The following ARHGEF33 variants were observed in gnomAD, a reference collection of about 807,000 sequenced individuals.
The protein encoded by ARHGEF33 is DH and coiled-coil domain-containing protein ENSP00000381780.
In ARHGEF33, 72 loss-of-function variants were observed where a neutral mutation model predicts 101.9. The ratio of observed to expected loss-of-function variants is 0.71; its 90% CI spans 0.58 to 0.86. The LOEUF (loss-of-function observed/expected upper bound fraction) is 0.86. Ranked by LOEUF, ARHGEF33 falls within the 40% of genes least tolerant of loss-of-function variation. The probability of loss-of-function intolerance (pLI) is 0.00; values close to 1 mark genes in which losing one functional copy is unlikely to be tolerated. For synonymous variants in ARHGEF33, 499 were observed against 442.5 expected (o/e 1.13, Z -1.60); for missense variants, 1,169 against 1,111.3 (o/e 1.05, Z -0.74).
chr2:38,958,006 C>G (rs1425048603), intron 14 of ARHGEF33, 28 bp from the exon 15 acceptor site: 2 of 1,551,854 alleles, frequency 1.3e-6, no homozygotes, highest in Admixed American at 3.9e-5. Flanking sequence ...ACTGTACAAC[C>G]TGAGAACTGT....
At chr2:38,921,499 T>G in intron 4 of ARHGEF33, 76 bp downstream of exon 4, 1 of 1,015,376 alleles carries the variant, frequency 9.8e-7, no homozygotes, top group South Asian at 1.4e-5. Context: ...TGTACACGTT[T>G]TTAGCACTCA....
chr2:38,937,580 C>G (rs1406373997), intron 9 of ARHGEF33, 21 bp downstream of exon 9: 1 of 1,324,158 alleles, frequency 7.6e-7, no homozygotes, highest in African/African-American at 1.5e-5. Flanking sequence ...AGGGGGAATG[C>G]AGGCTAATAG....
chr2:38,937,271 A>AT (rs1479044634), intron 8 of ARHGEF33, 64 bp from the exon 9 acceptor site: 148 of 824,128 alleles, frequency 1.8e-4, no homozygotes. Flanking sequence ...TAACAAACAT[A>AT]TTTTTTAAAA....
At chr2:38,919,281 A>AT (rs1415197505) in intron 2 of ARHGEF33, 82 bp from the exon 3 acceptor site, 7 of 645,734 alleles carry the variant, frequency 1.1e-5, no homozygotes, top group Admixed American at 8.7e-5. Flanking sequence ...GTTCATTTCA[A>AT]TTTTTTTACT....
At chr2:38,973,527 T>C (rs766902174) in intron 17 of ARHGEF33, among the ~76,000 whole-genome samples, 187 bp from the exon 18 acceptor site, 2 of 152,224 alleles carry the variant, frequency 1.3e-5, no homozygotes, top group East Asian at 1.9e-4. Context: ...TAGAAAGATA[T>C]TCTCTTTATG....
intron 2 of ARHGEF33, among the ~76,000 whole-genome samples, chr2:38,909,798 G>A (rs963131166): frequency 1.4e-5 from 2 of 146,136 alleles, no homozygotes; most frequent in Non-Finnish European, 3.0e-5. Context: ...TTCATATTGT[G>A]AGAATTGTCT....
At chr2:38,890,044 G>C (rs1665962175) in intron 1 of ARHGEF33, 58 bp downstream of exon 1, 1 of 383,974 alleles carries the variant, frequency 2.6e-6, no homozygotes, top group South Asian at 2.1e-5. Context: ...AATTTTATAA[G>C]AGATGAAAAC....
At chr2:38,894,520 G>C (rs778072799) in intron 1 of ARHGEF33, among the ~76,000 whole-genome samples, 6 of 152,148 alleles carry the variant, frequency 3.9e-5, no homozygotes, top group Non-Finnish European at 7.3e-5. Flanking sequence ...GCCCACAAAG[G>C]TAGGCAGTCT....
chr2:38,928,359 T>C (rs896382988), intron 4 of ARHGEF33, among the ~76,000 whole-genome samples: 3 of 152,186 alleles, frequency 2.0e-5, no homozygotes, highest in African/African-American at 7.2e-5. Context: ...GAAAATACTG[T>C]TACCTCCTTT....
At chr2:38,963,180 T>G (rs1176719004) in intron 16 of ARHGEF33, among the ~76,000 whole-genome samples, 1 of 152,138 alleles carries the variant, frequency 6.6e-6, no homozygotes, top group Non-Finnish European at 1.5e-5. Flanking sequence ...TTGTGTGTGT[T>G]GGAGGTGATG....
intron 2 of ARHGEF33, among the ~76,000 whole-genome samples, chr2:38,896,611 C>T (rs1180306848): frequency 6.6e-6 from 1 of 152,132 alleles, no homozygotes; most frequent in Non-Finnish European, 1.5e-5. Context: ...GTTGAGGGAG[C>T]ATAGGCTTAG....
chr2:38,895,999 A>C (rs1666114226), intron 2 of ARHGEF33, 150 bp downstream of exon 2: 3 of 152,216 alleles, frequency 2.0e-5, no homozygotes, highest in Non-Finnish European at 2.9e-5. Flanking sequence ...CCATCAAATA[A>C]ACAAATTGTG....
chr2:38,917,588 G>T (rs536059372), intron 2 of ARHGEF33, among the ~76,000 whole-genome samples: 212 of 152,108 alleles, frequency 1.4e-3, no homozygotes, highest in African/African-American at 4.9e-3. Context: ...TGAGCACTTT[G>T]AGAGACCGAG....
At chr2:38,903,208 A>C (rs1400654380) in intron 2 of ARHGEF33, among the ~76,000 whole-genome samples, 1 of 152,136 alleles carries the variant, frequency 6.6e-6, no homozygotes, top group East Asian at 1.9e-4. Flanking sequence ...TTATTTATTT[A>C]ATTTTTACCA....
chr2:38,933,451 T>C (rs1332926321), intron 7 of ARHGEF33, among the ~76,000 whole-genome samples: 1 of 152,100 alleles, frequency 6.6e-6, no homozygotes, highest in Non-Finnish European at 1.5e-5. Flanking sequence ...TGGCGCGATC[T>C]CGGCTCACTG....
chr2:38,928,190 C>G (rs756997073), intron 4 of ARHGEF33, among the ~76,000 whole-genome samples: 6 of 152,162 alleles, frequency 3.9e-5, no homozygotes, highest in Non-Finnish European at 7.4e-5. Context: ...TGTACCCTAC[C>G]TGATCCAAAA....
chr2:38,939,296 A>T (rs966610082), intron 9 of ARHGEF33, among the ~76,000 whole-genome samples: 4 of 151,374 alleles, frequency 2.6e-5, no homozygotes, highest in African/African-American at 9.7e-5. Context: ...TCTTGTACAA[A>T]TTTTTTTTTA....
intron 3 of ARHGEF33, 57 bp from the exon 4 acceptor site, chr2:38,921,317 G>T: frequency 9.7e-7 from 1 of 1,035,582 alleles, no homozygotes; most frequent in Non-Finnish European, 1.5e-6. Flanking sequence ...CATGTATCTG[G>T]AGGGGATAGG....
At chr2:38,908,806 G>C (rs1051167210) in intron 2 of ARHGEF33, among the ~76,000 whole-genome samples, 1 of 152,178 alleles carries the variant, frequency 6.6e-6, no homozygotes, top group Non-Finnish European at 1.5e-5. Context: ...TTCAAGCCAG[G>C]GAGTGGGAAC....
Sources: gnomAD v4.1 joint callset for allele counts (sites outside exome capture counted in the v4.1 genomes callset) on GRCh38, gnomAD v4.1.1 for gene constraint, MANE v1.5 for transcripts, NCBI Gene and HGNC (gene_info 2026-07-23, HGNC 2026-07-21) for gene names.